Variants in CCDC171 observed in about 807,000 individuals in gnomAD.
CCDC171 encodes coiled-coil domain containing 171.
A neutral mutation model predicts 168.2 loss-of-function variants in CCDC171; 177 were observed. That is an observed-to-expected ratio of 1.05 (90% CI 0.93 to 1.19). The LOEUF (loss-of-function observed/expected upper bound fraction) is 1.19. Ranked by LOEUF, CCDC171 falls within the 50% of genes most tolerant of loss-of-function variation. The pLI, the probability that CCDC171 is intolerant of heterozygous loss-of-function variation, is 0.00. For missense variants in CCDC171, 1,991 were observed against 1,539.0 expected, an observed-to-expected ratio of 1.29 and a Z score of -4.91; for synonymous variants, 687 against 540.8, an observed-to-expected ratio of 1.27 and a Z score of -3.75.
At chr9:16,087,700 A>G in the CCDC171 span, among the ~76,000 whole-genome samples, 1,218 of 151,228 alleles carry the variant, frequency 8.1e-3, 19 homozygotes, top group African/African-American at 0.028. Flanking sequence ...TCTTTATCCA[A>G]TTTGCCAGTC....
chr9:15,792,166 C>G (rs1371028208), intron 21 of CCDC171, among the ~76,000 whole-genome samples: 1 of 152,154 alleles, frequency 6.6e-6, no homozygotes, highest in African/African-American at 2.4e-5. Flanking sequence ...ACAAGAACTA[C>G]GTGATGAATG....
At chr9:15,741,271 C>T (rs1253731559) in intron 16 of CCDC171, among the ~76,000 whole-genome samples, 2 of 152,170 alleles carry the variant, frequency 1.3e-5, no homozygotes, top group East Asian at 1.9e-4. Context: ...ACCCTGAACT[C>T]GTTAAGCAGT....
intron 1 of CCDC171, among the ~76,000 whole-genome samples, chr9:16,054,490 C>G (rs1206047083): frequency 6.6e-6 from 1 of 152,006 alleles, no homozygotes; most frequent in Non-Finnish European, 1.5e-5. Context: ...CCCATAAGCA[C>G]CTTTGTTGTT....
chr9:15,729,965 G>T (rs547318185), intron 16 of CCDC171, among the ~76,000 whole-genome samples, 167 bp downstream of exon 16: 6 of 152,028 alleles, frequency 3.9e-5, no homozygotes, highest in African/African-American at 1.4e-4. Flanking sequence ...ATACGTGTGT[G>T]TGTATGGGTG....
chr9:15,948,963 A>G (rs10810497), intron 25 of CCDC171, among the ~76,000 whole-genome samples: 44 of 151,538 alleles, frequency 2.9e-4, no homozygotes, highest in African/African-American at 6.3e-4. Flanking sequence ...TAGGTCTAAC[A>G]TTTAAGTCTT....
chr9:15,661,501 CTT>C (rs1282813209), intron 8 of CCDC171, among the ~76,000 whole-genome samples: 2 of 152,080 alleles, frequency 1.3e-5, no homozygotes, highest in Non-Finnish European at 2.9e-5. Flanking sequence ...AGTGCTATGA[CTT>C]AGAAAAAGTG....
At position 15,784,738 on chromosome 9, in the gene CCDC171, A is replaced by G. The variant is rs375545411; in HGVS notation, c.3267+44A>G. The G allele has an allele frequency of 2.5e-5, 36 of 1,421,102 alleles. No individual in the cohort carries two copies. The African/African-American group carries it at 4.4e-4, about 17-fold the overall frequency. 88.0% of individuals were successfully genotyped at this position (1,421,102 alleles called of 1,614,324 possible). Reference sequence around the variant, plus strand: ...ATTTGCATAAAGGGATATTTTATCTATGTGTGGATCTTAGAGGGAATTATG... The same window carrying G: ...ATTTGCATAAAGGGATATTTTATCTGTGTGTGGATCTTAGAGGGAATTATG... On this transcript the variant is annotated intron_variant, in intron 21 of 25. Transcript: ENST00000380701.
At chr9:15,906,488 A>G (rs1180722819) in intron 24 of CCDC171, among the ~76,000 whole-genome samples, 1 of 152,004 alleles carries the variant, frequency 6.6e-6, no homozygotes, top group Admixed American at 6.5e-5. Flanking sequence ...CATGCTAAAA[A>G]CTCTCAATAA....
intron 21 of CCDC171, among the ~76,000 whole-genome samples, chr9:15,811,857 A>ACAGCC (rs1165933467): frequency 1.2e-4 from 19 of 152,286 alleles, no homozygotes; most frequent in African/African-American, 4.1e-4. Context: ...CCAGTACCTA[A>ACAGCC]AGTGTGAGGC....
Position 15,597,357 on chromosome 9 carries a change from G to A in CCDC171, c.675+3185G>A, listed in dbSNP as rs562579091. ...TTTATTGAGAGTTTTTAGCATGAAG[G>A]GTTGCTGAATTTTGTCAAAGGCCTT... On this transcript the variant is annotated intron_variant, in intron 6 of 25. Transcript: ENST00000380701. Among the ~76,000 whole-genome samples, 10 of 152,174 alleles carry A rather than the reference G, an allele frequency of 6.6e-5. No individual in the cohort carries two copies. The East Asian group carries it at 1.3e-3, about 21-fold the overall frequency.
intron 6 of CCDC171, among the ~76,000 whole-genome samples, chr9:16,034,754 A>T (rs966007374): frequency 6.6e-6 from 1 of 152,098 alleles, no homozygotes; most frequent in African/African-American, 2.4e-5. Context: ...TTACCTACCA[A>T]AGCTTCCCTG....
chr9:15,725,440 G>A (rs947495631), intron 14 of CCDC171, among the ~76,000 whole-genome samples: 1 of 151,934 alleles, frequency 6.6e-6, no homozygotes, highest in Admixed American at 6.6e-5. Context: ...CCACATCTTC[G>A]TTTCCTTATT....
downstream of CCDC171, among the ~76,000 whole-genome samples, chr9:15,978,970 C>T (rs546569033): frequency 2.0e-5 from 3 of 152,218 alleles, no homozygotes; most frequent in African/African-American, 7.2e-5. Flanking sequence ...TTGTATATAT[C>T]ATGTAAATAG....
Position 15,591,520 on chromosome 9 carries a change from T to C in CCDC171, c.507T>C (p.Leu169=). 1 of 1,588,952 alleles carries C rather than the reference T, an allele frequency of 6.3e-7. No individual in the cohort carries two copies. Residue 169 remains leucine, a synonymous_variant, in exon 5 of 26, where the codon CTT becomes CTC. Transcript: ENST00000380701. ...ATTGCAATCGAGAATATGATTTACT[T>C]ATGAAAGAAAAAAGCAGACTAGAGA... ...IQNCNREYDL[L]MKEKSRLEKT...
At chr9:16,081,208 C>A in the CCDC171 span, among the ~76,000 whole-genome samples, 1 of 152,200 alleles carries the variant, frequency 6.6e-6, no homozygotes, top group African/African-American at 2.4e-5. Context: ...TTCATTCTTT[C>A]TTGCTTGCTA....
intron 21 of CCDC171, among the ~76,000 whole-genome samples, chr9:15,828,989 G>A (rs966728977): frequency 1.3e-5 from 2 of 152,160 alleles, no homozygotes; most frequent in African/African-American, 4.8e-5. Context: ...AGAATGGTGA[G>A]TCCAAAGGCC....
intron 21 of CCDC171, among the ~76,000 whole-genome samples, chr9:15,791,434 C>T (rs4302940): frequency 0.94 from 143,035 of 152,144 alleles, 67,306 homozygotes; most frequent in East Asian, 1. Flanking sequence ...GTGATTTTTG[C>T]ACATTGATTT....
chr9:16,016,704 A>G lies in CCDC171; in HGVS notation n.369-3885A>G, dbSNP rs1364969486. ...TCCCTAATACGAAAAACAGGTTGCC[A>G]CTTGGGTCTGCAGAGACATTTGGAT... On this transcript the variant is annotated intron_variant and non_coding_transcript_variant, in intron 3 of 9. Coordinates refer to the CCDC171 transcript ENST00000486641. Among the ~76,000 whole-genome samples the G allele has an allele frequency of 5.3e-5, 8 of 152,202 alleles. No homozygotes were observed. The South Asian group carries it at 1.4e-3, about 28-fold the overall frequency.
At chr9:15,585,473 T>C (rs1249347441) in intron 4 of CCDC171, among the ~76,000 whole-genome samples, 1 of 152,130 alleles carries the variant, frequency 6.6e-6, no homozygotes, top group East Asian at 1.9e-4. Flanking sequence ...GAGAGAAACT[T>C]TACACTCAAG....
Sources: gnomAD v4.1 joint callset for allele counts (sites outside exome capture counted in the v4.1 genomes callset) on GRCh38, gnomAD v4.1.1 for gene constraint, MANE v1.5 for transcripts, NCBI Gene and HGNC (gene_info 2026-07-23, HGNC 2026-07-21) for gene names.